MSRA: variants seen among roughly 807,000 people sequenced by gnomAD.
MSRA encodes mitochondrial peptide methionine sulfoxide reductase.
Under a neutral mutation model 31.3 loss-of-function variants are expected in MSRA, and 54 were observed. The observed-to-expected ratio is 1.73, with a 90% confidence interval of 1.39 to 2.17. The LOEUF is 2.17. Ranked by LOEUF, MSRA falls within the 30% of genes most tolerant of loss-of-function variation. The probability of loss-of-function intolerance (pLI) is 0.00; values close to 1 mark genes in which losing one functional copy is unlikely to be tolerated. For missense variants in MSRA, 507 were observed against 300.9 expected (o/e 1.69, Z -5.07); for synonymous variants, 169 against 116.5 (o/e 1.45, Z -2.90).
Position 10,200,855 on chromosome 8 carries a change from C to T in MSRA, c.143-6978C>T, listed in dbSNP as rs1808433027. ...TCCATCCTCTCTCAGAGCCCCTGCC[C>T]CAGATTTGAGTGACAGCCACCTCAT... On this transcript the variant is annotated intron_variant, in intron 1 of 5. Transcript: ENST00000317173. Among the ~76,000 whole-genome samples, 7 of 152,112 alleles carry T rather than the reference C, an allele frequency of 4.6e-5. No homozygotes were observed. The South Asian group carries it at 1.5e-3, about 32-fold the overall frequency.
chr8:10,407,539 A>G (rs1311371311), intron 5 of MSRA, among the ~76,000 whole-genome samples: 2 of 152,170 alleles, frequency 1.3e-5, no homozygotes, highest in African/African-American at 4.8e-5. Flanking sequence ...TGTAGCCTGG[A>G]GGAGAGGTAG....
intron 2 of MSRA, among the ~76,000 whole-genome samples, chr8:10,241,518 A>G (rs1453564360): frequency 6.6e-6 from 1 of 152,222 alleles, no homozygotes; most frequent in Non-Finnish European, 1.5e-5. Flanking sequence ...TGGATGAAGC[A>G]AGCATTTATC....
intron 1 of MSRA, among the ~76,000 whole-genome samples, chr8:10,196,029 A>G (rs899951613): frequency 6.6e-6 from 1 of 152,172 alleles, no homozygotes; most frequent in Non-Finnish European, 1.5e-5. Flanking sequence ...ACCTCCGATC[A>G]TTTATCACTG....
chr8:10,390,257 G>C (rs746280231), intron 5 of MSRA, among the ~76,000 whole-genome samples: 2 of 152,196 alleles, frequency 1.3e-5, no homozygotes, highest in East Asian at 1.9e-4. Context: ...GCCCTGAGAG[G>C]AGGGGGTCCC....
chr8:10,211,381 A>G (rs556681688), intron 2 of MSRA, among the ~76,000 whole-genome samples: 17 of 152,138 alleles, frequency 1.1e-4, no homozygotes, highest in African/African-American at 3.9e-4. Flanking sequence ...CATCATTCTT[A>G]GCTTCCTCTG....
chr8:10,113,899 G>A (rs570380380), intron 1 of MSRA, among the ~76,000 whole-genome samples: 1 of 152,220 alleles, frequency 6.6e-6, no homozygotes, highest in East Asian at 1.9e-4. Context: ...CATCACCACT[G>A]TCTAATTACA....
chr8:10,169,133 A>C (rs1805390527), intron 1 of MSRA, among the ~76,000 whole-genome samples: 2 of 152,204 alleles, frequency 1.3e-5, no homozygotes, highest in Admixed American at 1.3e-4. Context: ...CTAGGACATC[A>C]GTGTGATGAT....
chr8:10,221,374 C>T (rs1413202637), intron 2 of MSRA, among the ~76,000 whole-genome samples: 1 of 151,784 alleles, frequency 6.6e-6, no homozygotes, highest in Non-Finnish European at 1.5e-5. Context: ...TGTACCAGCA[C>T]CACCCAGCTT....
chr8:10,240,794 C>G (rs1309769976), intron 2 of MSRA, among the ~76,000 whole-genome samples: 1 of 152,132 alleles, frequency 6.6e-6, no homozygotes, highest in Admixed American at 6.5e-5. Context: ...CATTTCCAGC[C>G]TGCACCCATA....
intron 5 of MSRA, among the ~76,000 whole-genome samples, chr8:10,338,657 T>C (rs561754402): frequency 4.7e-4 from 72 of 152,240 alleles, no homozygotes; most frequent in African/African-American, 1.6e-3. Flanking sequence ...TAAAGAAGAA[T>C]TGTATAGAAA....
At chr8:10,357,018 C>G (rs1229081450) in intron 5 of MSRA, among the ~76,000 whole-genome samples, 1 of 152,054 alleles carries the variant, frequency 6.6e-6, no homozygotes, top group Non-Finnish European at 1.5e-5. Flanking sequence ...CATGCTTCAG[C>G]AGTTCCTCTG....
chr8:10,331,463 A>C (rs980462132), intron 5 of MSRA, among the ~76,000 whole-genome samples: 1 of 152,204 alleles, frequency 6.6e-6, no homozygotes, highest in Non-Finnish European at 1.5e-5. Flanking sequence ...ACAGTCACAC[A>C]CAGGCTAGGG....
At chr8:10,328,458 A>G (rs957314226) in intron 5 of MSRA, among the ~76,000 whole-genome samples, 3 of 151,876 alleles carry the variant, frequency 2.0e-5, no homozygotes, top group African/African-American at 7.3e-5. Context: ...GATTTAAGCC[A>G]CCATTATCTG....
At chr8:10,161,154 C>G (rs947120925) in intron 1 of MSRA, among the ~76,000 whole-genome samples, 4 of 152,166 alleles carry the variant, frequency 2.6e-5, no homozygotes, top group Admixed American at 2.6e-4. Context: ...AACATCAGCT[C>G]TGTGGTATAA....
Position 10,294,107 on chromosome 8 carries a change from G to A in MSRA, c.332-7427G>A, listed in dbSNP as rs538156842. ...TAATCTCAGCTACTTAGGAGGCTGA[G>A]GCAGAATTGCTTGAACCTGGGAGGT... On this transcript the variant is annotated intron_variant, in intron 3 of 5. Coordinates refer to ENST00000317173, the MANE Select transcript of MSRA (RefSeq NM_012331.5). 5.3e-4 allele frequency among the ~76,000 whole-genome samples: 80 copies of A among 152,276 alleles called. 2 individuals are homozygous for A. The South Asian group carries it at 0.015, about 29-fold the overall frequency.
chr8:10,151,081 G>T (rs371276679), intron 1 of MSRA, among the ~76,000 whole-genome samples: 2 of 151,674 alleles, frequency 1.3e-5, no homozygotes, highest in East Asian at 1.9e-4. Flanking sequence ...GTTGGGATCC[G>T]TAAAGGAGGA....
chr8:10,220,227 A>G (rs997292947), intron 2 of MSRA, among the ~76,000 whole-genome samples: 1 of 152,236 alleles, frequency 6.6e-6, no homozygotes, highest in Non-Finnish European at 1.5e-5. Context: ...ACAAAGAATT[A>G]TATTTGACCA....
rs148489821 is a variant in MSRA, at chr8:10,295,121, C to T, written c.332-6413C>T. Reference sequence around the variant, plus strand: ...CTCCCGTCTCTAAACTGCCTTTAAGCTAATTTCCTGGCTCTTTGCCTACTG... The same window carrying T: ...CTCCCGTCTCTAAACTGCCTTTAAGTTAATTTCCTGGCTCTTTGCCTACTG... On this transcript the variant is annotated intron_variant, in intron 3 of 5. Coordinates refer to ENST00000317173, the MANE Select transcript of MSRA (RefSeq NM_012331.5). Among the ~76,000 whole-genome samples the T allele has an allele frequency of 7.9e-3, 1,204 of 152,222 alleles. 14 individuals carry two copies. The highest frequency in any genetic ancestry group is 0.026 in the African/African-American group (1,091 of 41,552).
chr8:10,084,296 C>G (rs529090646), intron 1 of MSRA, among the ~76,000 whole-genome samples: 2 of 152,372 alleles, frequency 1.3e-5, no homozygotes, highest in South Asian at 4.1e-4. Context: ...TGGCCAGATC[C>G]CTGGGCAGGG....
Sources: gnomAD v4.1 joint callset for allele counts (sites outside exome capture counted in the v4.1 genomes callset) on GRCh38, gnomAD v4.1.1 for gene constraint, MANE v1.5 for transcripts, NCBI Gene and HGNC (gene_info 2026-07-23, HGNC 2026-07-21) for gene names.